Variants in NBPF11 observed in about 807,000 individuals in gnomAD.
NBPF11 encodes the protein NBPF member 11, also known as NBPF family member NBPF11.
Under a neutral mutation model 93.9 loss-of-function variants are expected in NBPF11, and 72 were observed. The observed-to-expected ratio is 0.77, with a 90% CI of 0.63 to 0.93. The LOEUF is 0.93. Among genes scored for constraint, NBPF11 ranks in the 40% least tolerant of loss-of-function variants. NBPF11 has a pLI of 0.00. For missense variants in NBPF11, 705 were observed against 802.2 expected, an observed-to-expected ratio of 0.88 and a Z score of 1.46; for synonymous variants, 224 against 304.9, an observed-to-expected ratio of 0.73 and a Z score of 2.76.
At chr1:148,108,373 C>T (rs1233714857) in intron 18 of NBPF11, 109 bp downstream of exon 18, 54 of 760,914 alleles carry the variant, frequency 7.1e-5, no homozygotes, top group Non-Finnish European at 1.2e-4. Flanking sequence ...TATAGGTCCT[C>T]CCTGTGGCAA....
chr1:148,138,907 A>G (rs1403290176), intron 2 of NBPF11, among the ~76,000 whole-genome samples: 1 of 151,590 alleles, frequency 6.6e-6, no homozygotes, highest in East Asian at 1.9e-4. Flanking sequence ...CCTGGCCAAC[A>G]TGAAGAAACC....
Position 148,120,615 on chromosome 1 carries a change from T to C in NBPF11, c.874A>G (p.Asn292Asp). The C allele has an allele frequency of 6.6e-7, 1 of 1,520,726 alleles. No individual in the cohort carries two copies. The highest frequency in any genetic ancestry group is 9.1e-7 in the Non-Finnish European group (1 of 1,096,574). The allele number at this position is 1,520,726 out of a possible 1,614,324, so 94.2% of individuals were successfully genotyped here. ...GCCAGCTGGGGGCACAATTTCTCAT[T>C]GATTTCTAGAATGTTCATCTCTGCC... ...EKAEMNILEINEKLCPQLAEK... is the reference protein window; with the variant it reads ...EKAEMNILEIDEKLCPQLAEK... The change falls in exon 10 of 24, where the codon AAT (asparagine) becomes GAT (aspartate). Residue 292 changes from asparagine to aspartate, a missense_variant. Physicochemically the swap from Asn to Asp is conservative, Grantham distance 23. Coordinates refer to ENST00000682118, the MANE Select transcript of NBPF11 (RefSeq NM_001385469.3).
intron 4 of NBPF11, among the ~76,000 whole-genome samples, chr1:148,133,526 G>GT (rs1437386422): frequency 6.6e-6 from 1 of 152,074 alleles, no homozygotes; most frequent in Non-Finnish European, 1.5e-5. Flanking sequence ...TCTGGGGTTT[G>GT]TTTTTATAAA....
intron 4 of NBPF11, among the ~76,000 whole-genome samples, chr1:148,127,902 G>T (rs1236148074): frequency 4.6e-5 from 7 of 151,438 alleles, no homozygotes; most frequent in African/African-American, 1.7e-4. Context: ...GTGATCTGCC[G>T]CCTCGGCCTC....
chr1:148,122,395 T>G, intron 8 of NBPF11, 129 bp from the exon 9 acceptor site: 4 of 1,481,830 alleles, frequency 2.7e-6, no homozygotes, highest in Non-Finnish European at 3.8e-6. Context: ...AGGTTCCCTT[T>G]AAGAGGGAAC....
Position 148,106,143 on chromosome 1 carries a change from G to T in NBPF11, c.2303+38C>A, listed in dbSNP as rs1260199396. 9.1e-6 allele frequency: 7 copies of T among 767,812 alleles called. No individual in the cohort carries two copies. In the South Asian group the frequency reaches 9.5e-5, roughly 10 times the overall value. The allele number at this position is 767,812 out of a possible 1,614,324, so 47.6% of individuals were successfully genotyped here. On this transcript the variant is annotated intron_variant, in intron 21 of 23. Transcript: ENST00000682118. The stretch of plus-strand genomic sequence containing the variant: ...TTCCCTGAACCAGGAGTCTCCAGAT[G>T]TCAACACAGAAGTAGCTGTTCACAA...
At chr1:148,142,262 G>C (rs1672313745) in intron 2 of NBPF11, among the ~76,000 whole-genome samples, 1 of 151,906 alleles carries the variant, frequency 6.6e-6, no homozygotes, top group Non-Finnish European at 1.5e-5. Context: ...ACAGGAACAT[G>C]CTAACTAGTT....
intron 5 of NBPF11, among the ~76,000 whole-genome samples, chr1:148,125,377 A>G (rs1553272830): frequency 2.3e-4 from 35 of 151,970 alleles, no homozygotes; most frequent in South Asian, 6.2e-4. Flanking sequence ...TTGTACAGTC[A>G]GGAAGGCCCC....
chr1:148,146,613 T>A lies in NBPF11; in HGVS notation c.-548-2927A>T. On this transcript the variant is annotated intron_variant, in intron 1 of 23. Coordinates refer to ENST00000682118, the MANE Select transcript of NBPF11 (RefSeq NM_001385469.3). Reference sequence around the variant, plus strand: ...GCTGGAAGCTGCACCTGACGGAGCGTGCCGACTTCCAGTACAGCCAGCGCG... The same window carrying A: ...GCTGGAAGCTGCACCTGACGGAGCGAGCCGACTTCCAGTACAGCCAGCGCG... 3 of 1,610,710 alleles carry A rather than the reference T, an allele frequency of 1.9e-6. No individual in the cohort carries two copies. The East Asian group carries it at 6.7e-5, about 36-fold the overall frequency.
intron 23 of NBPF11, among the ~76,000 whole-genome samples, 170 bp downstream of exon 23, chr1:148,104,367 A>G (rs1411863562): frequency 1.4e-5 from 2 of 147,212 alleles, no homozygotes; most frequent in Non-Finnish European, 3.0e-5. Flanking sequence ...TGATAAGGGG[A>G]GGAAGAAATG....
At position 148,115,867 on chromosome 1, in the gene NBPF11, T is replaced by C. The variant is rs1332644890; in HGVS notation, c.1511A>G (p.Glu504Gly). ...PHRKTKITFE[E>G]DKVDSTLIGS... ...AATGAGAGTTGAGTCGACTTTGTCT[T>C]CCTCAAATGTGATTTTGGTTTTTCT... Residue 504 changes from glutamate (E) to glycine (G), a missense_variant, in exon 14 of 24, where the codon GAA becomes GGA. By Grantham distance (98) the Glu-to-Gly change is moderately conservative (BLOSUM62 -2). Around this residue, in one of 12 missense-constraint regions of NBPF11, gnomAD observed 54 missense variants for 91.8 expected, o/e 0.59. Transcript: ENST00000682118. The C allele has an allele frequency of 1.9e-5, 30 of 1,582,718 alleles. No individual in the cohort carries two copies. Among genetic ancestry groups the C allele is most frequent in the Middle Eastern group, 3.6e-4 (2 of 5,554 alleles).
intron 1 of NBPF11, chr1:148,146,368 G>A (rs1174529662): frequency 6.5e-7 from 1 of 1,530,186 alleles, no homozygotes; most frequent in Non-Finnish European, 8.7e-7. Flanking sequence ...GGGCCCCGGT[G>A]GAGGCCCGGC....
At position 148,135,831 on chromosome 1, in the gene NBPF11, A is replaced by G. The variant is rs1326541857; in HGVS notation, c.-177-18T>C. ...TTCAAGGGCTACCAAGAAGAAACAA[A>G]TAATTTATTTACCTCCCCAGAGGAA... On this transcript the variant is annotated intron_variant, in intron 3 of 23. Transcript: ENST00000682118. The G allele has an allele frequency of 2.0e-5, 14 of 698,126 alleles. No individual in the cohort carries two copies. The South Asian group carries it at 2.1e-4, about 10-fold the overall frequency. 43.2% of individuals were successfully genotyped at this position (698,126 alleles called of 1,614,324 possible).
At chr1:148,112,230 T>A (rs1273892393) in intron 15 of NBPF11, among the ~76,000 whole-genome samples, 2 of 147,680 alleles carry the variant, frequency 1.4e-5, no homozygotes, top group East Asian at 4.1e-4. Flanking sequence ...TGTATACATG[T>A]CCACATTGGT....
intron 11 of NBPF11, among the ~76,000 whole-genome samples, chr1:148,118,269 C>A (rs1388179851): frequency 2.0e-5 from 3 of 151,794 alleles, no homozygotes; most frequent in Non-Finnish European, 4.4e-5. Context: ...CGCAGTCAGT[C>A]AGGAGGTGAT....
At chr1:148,138,866 G>A (rs1216003981) in intron 2 of NBPF11, among the ~76,000 whole-genome samples, 1 of 151,792 alleles carries the variant, frequency 6.6e-6, no homozygotes, top group Non-Finnish European at 1.5e-5. Context: ...CAAGGCAGGT[G>A]GATCACTTGA....
chr1:148,132,470 T>A (rs1243956162), intron 4 of NBPF11, among the ~76,000 whole-genome samples: 1 of 150,100 alleles, frequency 6.7e-6, no homozygotes, highest in Non-Finnish European at 1.5e-5. Context: ...ATTTTATTAT[T>A]CTTGATCATT....
Position 148,129,052 on chromosome 1 carries a change from A to G in NBPF11, c.-35-2014T>C, listed in dbSNP as rs1162446798. On this transcript the variant is annotated intron_variant, in intron 4 of 23. Coordinates refer to ENST00000682118, the MANE Select transcript of NBPF11 (RefSeq NM_001385469.3). ...TTAGGATATATACCTGGTGTAAATG[A>G]CGAGTTAATGGGTGCAGCAAACCAA... is the stretch of plus-strand genomic sequence containing the variant. Among the ~76,000 whole-genome samples, 3 of 148,232 alleles carry G rather than the reference A, an allele frequency of 2.0e-5. No individual in the cohort carries two copies. The South Asian group carries it at 6.3e-4, about 31-fold the overall frequency.
At chr1:148,147,962 G>A (rs1296845577) in intron 1 of NBPF11, among the ~76,000 whole-genome samples, 62 of 152,192 alleles carry the variant, frequency 4.1e-4, no homozygotes, top group Non-Finnish European at 7.3e-4. Flanking sequence ...GAGCCATGAG[G>A]GGGAGGCCAG....
Sources: allele counts gnomAD v4.1 joint callset (sites outside exome capture counted in the v4.1 genomes callset), GRCh38; gene constraint gnomAD v4.1.1; regional missense constraint gnomAD v4.1.1; transcripts MANE v1.5; gene names NCBI Gene and HGNC (gene_info 2026-07-23, HGNC 2026-07-21).